Variants in IMPG1 observed in about 807,000 individuals in gnomAD.
IMPG1 encodes interphotoreceptor matrix proteoglycan 1.
IMPG1 carries 85 observed loss-of-function variants against 92.0 expected under a neutral mutation model. That is an observed-to-expected ratio of 0.92 (90% CI 0.78 to 1.11). IMPG1 has a LOEUF of 1.11. Among genes scored for constraint, IMPG1 ranks in the 50% least tolerant of loss-of-function variants. The pLI is 0.00. For missense variants in IMPG1, 1,022 were observed against 956.0 expected (o/e 1.07, Z -0.91); for synonymous variants, 367 against 334.1 (o/e 1.10, Z -1.08).
chr6:76,007,616 G>T (rs1783120099), intron 8 of IMPG1, 116 bp from the exon 9 acceptor site: 3 of 675,298 alleles, frequency 4.4e-6, no homozygotes, highest in Non-Finnish European at 7.2e-6. Context: ...TCTTTCCATT[G>T]TCTCTTTTGT....
chr6:76,064,758 CATATACCT>C (rs1250426064), intron 1 of IMPG1, among the ~76,000 whole-genome samples: 5 of 152,194 alleles, frequency 3.3e-5, no homozygotes, highest in Non-Finnish European at 5.9e-5. Context: ...AAAGATCAAG[CATATACCT>C]ATCAGCTTCT....
At chr6:75,981,804 T>A (rs913730564) in intron 12 of IMPG1, among the ~76,000 whole-genome samples, 2 of 152,228 alleles carry the variant, frequency 1.3e-5, no homozygotes, top group African/African-American at 4.8e-5. Flanking sequence ...TGCAAGAGAC[T>A]AATTCTAAAT....
chr6:75,976,781 A>G (rs1054213639), intron 12 of IMPG1, among the ~76,000 whole-genome samples: 2 of 151,424 alleles, frequency 1.3e-5, no homozygotes, highest in Non-Finnish European at 2.9e-5. Context: ...GCGTGGTGGC[A>G]GGCACCTGCA....
chr6:76,046,256 T>C (rs1783940391), intron 1 of IMPG1, among the ~76,000 whole-genome samples: 1 of 152,126 alleles, frequency 6.6e-6, no homozygotes, highest in Non-Finnish European at 1.5e-5. Context: ...AAAAGCGTAT[T>C]GGAGTAAAAT....
intron 10 of IMPG1, 90 bp downstream of exon 10, chr6:76,005,197 A>G: frequency 2.2e-6 from 3 of 1,341,052 alleles, no homozygotes; most frequent in Non-Finnish European, 3.1e-6. Context: ...TAGAAGACCC[A>G]AGTTAAAATG....
intron 5 of IMPG1, among the ~76,000 whole-genome samples, chr6:76,023,787 ATAT>A (rs1562373980): frequency 6.6e-6 from 1 of 152,178 alleles, no homozygotes; most frequent in Non-Finnish European, 1.5e-5. Context: ...GAAAGGGGTC[ATAT>A]TAACTTACTC....
chr6:75,941,239 T>G (rs1781833165), intron 14 of IMPG1, among the ~76,000 whole-genome samples: 1 of 152,222 alleles, frequency 6.6e-6, no homozygotes, highest in Non-Finnish European at 1.5e-5. Context: ...CATTATCATT[T>G]ACTTATCTAA....
rs1264788583 is a variant in IMPG1, at chr6:75,922,038, C to A, written c.*51G>T. 1.2e-6 allele frequency: 1 copy of A among 840,612 alleles called. No individual in the cohort carries two copies. The highest frequency in any genetic ancestry group is 2.0e-6 in the Non-Finnish European group (1 of 503,896). 52.1% of individuals were successfully genotyped at this position (840,612 alleles called of 1,614,324 possible). A position where few individuals can be genotyped will look rare whatever the true frequency, so the allele number is the denominator to read the frequency against. ...CCTGTCTCCATTTTCCTTGAGAAGG[C>A]AAATCATCTCTCTTGAGATAGCCTA... On this transcript the variant is annotated 3_prime_UTR_variant, in exon 17 of 17. Transcript: ENST00000369950.
At chr6:75,929,029 T>C (rs890898732) in intron 15 of IMPG1, among the ~76,000 whole-genome samples, 1 of 152,254 alleles carries the variant, frequency 6.6e-6, no homozygotes, top group Non-Finnish European at 1.5e-5. Flanking sequence ...ATTGATGGGC[T>C]ATACAATTGT....
Position 76,019,272 on chromosome 6 carries a change from T to C in IMPG1, c.667-414A>G, listed in dbSNP as rs573244830. The stretch of plus-strand genomic sequence containing the variant: ...GGGGTTTCTCATTGCTCTGAATTCA[T>C]ATGGGCTTCCAGGACACAGAGCAAG... On this transcript the variant is annotated intron_variant, in intron 6 of 16. Coordinates refer to ENST00000369950, the MANE Select transcript of IMPG1 (RefSeq NM_001563.4). Among the ~76,000 whole-genome samples the C allele has an allele frequency of 2.8e-4, 42 of 152,296 alleles. 1 individual carries two copies. In the South Asian group the frequency reaches 8.5e-3, roughly 31 times the overall value.
intron 13 of IMPG1, among the ~76,000 whole-genome samples, chr6:75,949,044 A>G (rs1403025632): frequency 6.6e-6 from 1 of 152,202 alleles, no homozygotes; most frequent in African/African-American, 2.4e-5. Flanking sequence ...AAAGAGAAAT[A>G]AACTTGTACT....
chr6:75,931,070 T>G lies in IMPG1; in HGVS notation c.2126A>C (p.Glu709Ala). Residue 709 changes from glutamate to alanine, a missense_variant, in exon 15 of 17, where the codon GAG (glutamate) becomes GCG (alanine). Physicochemically the swap from Glu to Ala is moderately radical, Grantham distance 107 (BLOSUM62 -1). This residue lies in a region of IMPG1 where 332 missense variants were observed against 346.2 expected (regional missense o/e 0.96). Coordinates refer to ENST00000369950, the MANE Select transcript of IMPG1 (RefSeq NM_001563.4). ...CVKNERTEEA[E>A]CRCKPGYDSQ... ...GTCATATCCTGGTTTGCAGCGACACTCCGCTTCCTCAGTCCGTTCGTTCTT... is the reference window on the plus strand; with the variant it reads ...GTCATATCCTGGTTTGCAGCGACACGCCGCTTCCTCAGTCCGTTCGTTCTT... 1.2e-6 allele frequency: 2 copies of G among 1,614,164 alleles called. No individual in the cohort carries two copies. The highest frequency in any genetic ancestry group is 1.7e-5 in the Admixed American group (1 of 60,016).
chr6:75,958,087 G>T (rs1274555424), intron 12 of IMPG1, among the ~76,000 whole-genome samples: 6 of 151,994 alleles, frequency 3.9e-5, no homozygotes, highest in Admixed American at 2.0e-4. Context: ...AGGAGGCCTG[G>T]TGGTGACAAA....
intron 12 of IMPG1, among the ~76,000 whole-genome samples, chr6:75,960,303 C>G (rs1375934969): frequency 2.0e-5 from 3 of 152,146 alleles, no homozygotes; most frequent in African/African-American, 7.2e-5. Flanking sequence ...CAGACCAGAG[C>G]TGTTCCTATT....
At chr6:76,030,216 C>T (rs1345403889) in intron 4 of IMPG1, among the ~76,000 whole-genome samples, 6 of 152,068 alleles carry the variant, frequency 3.9e-5, no homozygotes, top group Non-Finnish European at 7.4e-5. Flanking sequence ...CTCTAAGGCC[C>T]TCCCTGCTTG....
chr6:75,962,151 A>T (rs1442349499), intron 12 of IMPG1, among the ~76,000 whole-genome samples: 1 of 151,928 alleles, frequency 6.6e-6, no homozygotes, highest in Non-Finnish European at 1.5e-5. Flanking sequence ...ACAGGTTCTT[A>T]CTTTGTCACC....
chr6:75,998,979 C>G (rs1582094580), intron 12 of IMPG1, among the ~76,000 whole-genome samples: 2 of 152,172 alleles, frequency 1.3e-5, no homozygotes, highest in East Asian at 3.9e-4. Flanking sequence ...GCCTCAGCCT[C>G]CTGAATAGCT....
intron 6 of IMPG1, among the ~76,000 whole-genome samples, chr6:76,021,750 T>C (rs570633032): frequency 2.4e-5 from 3 of 122,960 alleles, no homozygotes; most frequent in African/African-American, 6.2e-5. Flanking sequence ...ATTGATTGAT[T>C]GATTCATTCA....
intron 12 of IMPG1, among the ~76,000 whole-genome samples, chr6:75,976,044 G>T (rs1419362884): frequency 6.6e-6 from 1 of 151,958 alleles, no homozygotes; most frequent in Non-Finnish European, 1.5e-5. Flanking sequence ...GGGCTATATT[G>T]TGCTGGTTCC....
Sources: gnomAD v4.1 joint callset for allele counts (sites outside exome capture counted in the v4.1 genomes callset) on GRCh38, gnomAD v4.1.1 for gene constraint, gnomAD v4.1.1 regional missense constraint, MANE v1.5 for transcripts, NCBI Gene and HGNC (gene_info 2026-07-23, HGNC 2026-07-21) for gene names.